The following MSRA variants were observed in gnomAD, a reference collection of about 807,000 sequenced individuals.
MSRA encodes methionine sulfoxide reductase A.
In MSRA, 54 loss-of-function variants were observed where a neutral mutation model predicts 31.3. The ratio of observed to expected loss-of-function variants is 1.73; its 90% CI spans 1.39 to 2.17. MSRA has a LOEUF of 2.17. MSRA is among the 30% of genes most tolerant of loss of function. MSRA has a pLI of 0.00. For missense variants in MSRA, 507 were observed against 300.9 expected (o/e 1.69, Z -5.07); for synonymous variants, 169 against 116.5 (o/e 1.45, Z -2.90).
At chr8:10,389,373 A>C (rs930754602) in intron 5 of MSRA, among the ~76,000 whole-genome samples, 2 of 152,224 alleles carry the variant, frequency 1.3e-5, no homozygotes, top group Admixed American at 1.3e-4. Context: ...TTACAGTGTG[A>C]GGGAGGCTTC....
chr8:10,102,124 G>A (rs563704175), intron 1 of MSRA, among the ~76,000 whole-genome samples: 5 of 152,226 alleles, frequency 3.3e-5, no homozygotes, highest in Non-Finnish European at 7.4e-5. Context: ...ATTTCTTTGG[G>A]TGTATCCTGT....
At chr8:10,136,908 T>C (rs2129028781) in intron 1 of MSRA, among the ~76,000 whole-genome samples, 2 of 152,386 alleles carry the variant, frequency 1.3e-5, no homozygotes, top group Middle Eastern at 3.4e-3. Context: ...CCCTGCTGTC[T>C]GTCCAGCATG....
chr8:10,060,795 A>G (rs1276570362), intron 1 of MSRA, among the ~76,000 whole-genome samples: 1 of 152,230 alleles, frequency 6.6e-6, no homozygotes, highest in Non-Finnish European at 1.5e-5. Context: ...CATTTCATAA[A>G]TATTCATTTT....
chr8:10,359,320 G>T (rs1008155880), intron 5 of MSRA, among the ~76,000 whole-genome samples: 1 of 151,784 alleles, frequency 6.6e-6, no homozygotes, highest in Non-Finnish European at 1.5e-5. Flanking sequence ...GATACCTTTT[G>T]CACCTCCCAT....
chr8:10,287,306 G>C (rs1474086301), intron 3 of MSRA, among the ~76,000 whole-genome samples: 1 of 152,138 alleles, frequency 6.6e-6, no homozygotes, highest in Admixed American at 6.5e-5. Context: ...AAATAATTTG[G>C]CCTCATTGAG....
intron 3 of MSRA, among the ~76,000 whole-genome samples, chr8:10,278,423 C>T (rs1799440007): frequency 6.6e-6 from 1 of 152,226 alleles, no homozygotes; most frequent in Admixed American, 6.5e-5. Flanking sequence ...CAACCAAAAA[C>T]ACACTTTGGT....
intron 1 of MSRA, among the ~76,000 whole-genome samples, chr8:10,123,616 A>G (rs1801286366): frequency 6.6e-6 from 1 of 152,066 alleles, no homozygotes; most frequent in African/African-American, 2.4e-5. Context: ...AGGGCAGTAT[A>G]GGTTGTCTTC....
chr8:10,360,146 C>A (rs1192691527), intron 5 of MSRA, among the ~76,000 whole-genome samples: 1 of 152,092 alleles, frequency 6.6e-6, no homozygotes, highest in Non-Finnish European at 1.5e-5. Flanking sequence ...CTGGAGTGAG[C>A]CAAGCTGCTT....
At chr8:10,381,939 G>A (rs978622261) in intron 5 of MSRA, among the ~76,000 whole-genome samples, 3 of 152,224 alleles carry the variant, frequency 2.0e-5, no homozygotes, top group African/African-American at 7.2e-5. Flanking sequence ...GTCAAGAGCA[G>A]ACTTCCAGAG....
At chr8:10,271,718 C>CT (rs11301253) in intron 3 of MSRA, among the ~76,000 whole-genome samples, 184 of 136,116 alleles carry the variant, frequency 1.4e-3, no homozygotes, top group East Asian at 4.6e-3. Context: ...CATGGGTAGT[C>CT]TTTTTTTTTT....
At chr8:10,288,749 G>A (rs1374938933) in intron 3 of MSRA, among the ~76,000 whole-genome samples, 1 of 152,154 alleles carries the variant, frequency 6.6e-6, no homozygotes, top group Non-Finnish European at 1.5e-5. Context: ...CATGCTTCCT[G>A]AGCAATCCTG....
chr8:10,137,050 G>A (rs140850250), intron 1 of MSRA, among the ~76,000 whole-genome samples: 6 of 152,268 alleles, frequency 3.9e-5, no homozygotes, highest in East Asian at 1.9e-4. Flanking sequence ...TGTGATGTGC[G>A]TTGGCCTGAG....
In MSRA at chr8:10,267,728, G is replaced by A. The variant is rs145484686; in HGVS notation, c.331+22505G>A. Among the ~76,000 whole-genome samples the A allele has an allele frequency of 5.8e-3, 885 of 152,206 alleles. 8 individuals carry two copies. The highest frequency in any genetic ancestry group is 7.8e-3 in the Non-Finnish European group (532 of 67,994). On this transcript the variant is annotated intron_variant, in intron 3 of 5. Transcript: ENST00000317173. ...AGGAATGAGTCACTTAGTCTCTCCC[G>A]ACACCAATTTCGCTATCTGCCAGAA... is the stretch of plus-strand genomic sequence containing the variant.
chr8:10,281,390 G>C (rs1799614709), intron 3 of MSRA, among the ~76,000 whole-genome samples: 1 of 152,182 alleles, frequency 6.6e-6, no homozygotes, highest in Non-Finnish European at 1.5e-5. Flanking sequence ...AAAATGAATG[G>C]AGAAGGCTGA....
chr8:10,265,956 T>C lies in MSRA; in HGVS notation c.331+20733T>C, dbSNP rs149611254. On this transcript the variant is annotated intron_variant, in intron 3 of 5. Transcript: ENST00000317173. ...CAGTTCACTCCTTTTTCCTGCTGAA[T>C]GATATTCTCTTGTATGGATGAAGCA... Among the ~76,000 whole-genome samples the C allele has an allele frequency of 1.2e-4, 19 of 152,348 alleles. No homozygotes were observed. In the East Asian group the frequency reaches 3.7e-3, roughly 29 times the overall value.
chr8:10,281,906 C>T (rs1409365214), intron 3 of MSRA, among the ~76,000 whole-genome samples: 7 of 152,092 alleles, frequency 4.6e-5, no homozygotes, highest in Non-Finnish European at 8.8e-5. Context: ...TTTTTCCCTG[C>T]TTTTTAGATA....
chr8:10,234,768 C>A (rs7844323), intron 2 of MSRA, among the ~76,000 whole-genome samples: 10,371 of 151,438 alleles, frequency 0.068, 404 homozygotes, highest in South Asian at 0.16. Flanking sequence ...TAAATGAATA[C>A]AAAAAAGGTA....
At chr8:10,130,940 C>T (rs1204667244) in intron 1 of MSRA, among the ~76,000 whole-genome samples, 1 of 152,142 alleles carries the variant, frequency 6.6e-6, no homozygotes, top group East Asian at 1.9e-4. Context: ...CTTATAGGGC[C>T]TTTAAGAATC....
chr8:10,094,416 G>C (rs1799016137), intron 1 of MSRA, among the ~76,000 whole-genome samples: 2 of 152,220 alleles, frequency 1.3e-5, no homozygotes, highest in African/African-American at 2.4e-5. Context: ...GATTGGCGGA[G>C]CACACAAACT....
Sources: allele counts gnomAD v4.1 joint callset (sites outside exome capture counted in the v4.1 genomes callset), GRCh38; gene constraint gnomAD v4.1.1; transcripts MANE v1.5; gene names NCBI Gene and HGNC (gene_info 2026-07-23, HGNC 2026-07-21).